Variants in RYR1 observed in about 807,000 individuals in gnomAD.
RYR1 encodes central core disease of muscle.
In RYR1, 342 loss-of-function variants were observed where a neutral mutation model predicts 583.5. The observed-to-expected ratio is 0.59, with a 90% CI of 0.54 to 0.64. The LOEUF (loss-of-function observed/expected upper bound fraction) is 0.64. Ranked by LOEUF, RYR1 falls within the 30% of genes least tolerant of loss-of-function variation. The pLI, the probability that RYR1 is intolerant of heterozygous loss-of-function variation, is 0.00. For missense variants in RYR1, 6,032 were observed against 6,917.2 expected, an observed-to-expected ratio of 0.87 and a Z score of 4.54; for synonymous variants, 2,791 against 2,822.5, an observed-to-expected ratio of 0.99 and a Z score of 0.35.
chr19:38,573,398 C>T lies in RYR1; in HGVS notation c.14129+91C>T, dbSNP rs1034784042. 2.7e-5 allele frequency: 41 copies of T among 1,509,062 alleles called. 1 individual carries two copies. The East Asian group carries it at 3.2e-4, about 12-fold the overall frequency. 93.5% of individuals were successfully genotyped at this position (1,509,062 alleles called of 1,614,324 possible). A position where few individuals can be genotyped will look rare whatever the true frequency, so the allele number is the denominator to read the frequency against. On this transcript the variant is annotated intron_variant, in intron 96 of 105. Coordinates refer to ENST00000359596, the MANE Select transcript of RYR1 (RefSeq NM_000540.3). ...CCTGGACCCCAAAAAACTAGGGTTT[C>T]GGTCCGGGCACGGTGGCTCACACCT...
At chr19:38,560,545 A>G (rs1024505538) in intron 89 of RYR1, among the ~76,000 whole-genome samples, 1 of 151,690 alleles carries the variant, frequency 6.6e-6, no homozygotes, top group Non-Finnish European at 1.5e-5. Flanking sequence ...CCTGGCCAAC[A>G]TGATGAAACC....
Position 38,483,848 on chromosome 19 carries a change from G to T in RYR1, c.4934+332G>T, listed in dbSNP as rs528671546. ...CAGACCCACATCAACACCCCAGGGG[G>T]CCCCAAGTACACCCCAGGATCCCTG... On this transcript the variant is annotated intron_variant, in intron 33 of 105. Transcript: ENST00000359596. The surrounding 1 kb of genome is among the most constrained non-coding windows in gnomAD (Gnocchi z 6.3). Among the ~76,000 whole-genome samples the T allele has an allele frequency of 4.0e-5, 6 of 151,838 alleles. No individual in the cohort carries two copies. The South Asian group carries it at 8.4e-4, about 21-fold the overall frequency.
rs1270252898 is a variant in RYR1, at chr19:38,448,531, C to T, written c.957+20C>T. On this transcript the variant is annotated intron_variant, in intron 10 of 105. Transcript: ENST00000359596. ...TCCAAGGTCAGTGGGGTTTGTGGCG[C>T]CCTCCCTCACCTGAAGCCCCCAGTC... 3 of 1,612,160 alleles carry T rather than the reference C, an allele frequency of 1.9e-6. No homozygotes were observed. The highest frequency in any genetic ancestry group is 8.5e-7 in the Non-Finnish European group (1 of 1,178,338).
At position 38,485,661 on chromosome 19, in the gene RYR1, A is replaced by G; in HGVS notation, c.5006A>G (p.Tyr1669Cys). Residue 1669 changes from tyrosine to cysteine, a missense_variant, in exon 34 of 106, where the codon TAC (tyrosine) becomes TGC (cysteine). Physicochemically the swap from Tyr to Cys is radical, Grantham distance 194. Transcript: ENST00000359596. ...TTCCACTCGCACACCCTGCGCCTCT[A>G]CCGCGCTGTGTGCGCCCTGGGCAAC... ...QRFHSHTLRL[Y>C]RAVCALGNNR... 2 of 1,610,606 alleles carry G rather than the reference A, an allele frequency of 1.2e-6. No homozygotes were observed. Among genetic ancestry groups the G allele is most frequent in the Non-Finnish European group, 1.7e-6 (2 of 1,179,852 alleles).
At chr19:38,476,823 G>A (rs1041958550) in intron 29 of RYR1, among the ~76,000 whole-genome samples, 1 of 152,072 alleles carries the variant, frequency 6.6e-6, no homozygotes, top group African/African-American at 2.4e-5. Flanking sequence ...GTAGAATGGG[G>A]GTAAAAATTA....
intron 24 of RYR1, 81 bp from the exon 25 acceptor site, chr19:38,467,529 G>T: frequency 1.4e-6 from 2 of 1,457,274 alleles, no homozygotes; most frequent in Non-Finnish European, 1.9e-6. Context: ...GTCCCCCAAA[G>T]CCTGTCTTCT....
chr19:38,456,866 G>A (rs935696743), intron 16 of RYR1, among the ~76,000 whole-genome samples: 2 of 151,082 alleles, frequency 1.3e-5, no homozygotes, highest in African/African-American at 4.8e-5. Context: ...CTAATGCGGT[G>A]AAACCCTGTC....
chr19:38,463,762 A>G lies in RYR1; in HGVS notation c.2698A>G (p.Lys900Glu), dbSNP rs768305543. 3 of 1,614,008 alleles carry G rather than the reference A, an allele frequency of 1.9e-6. No individual in the cohort carries two copies. The African/African-American group carries it at 4.0e-5, about 22-fold the overall frequency. Residue 900 changes from lysine (K) to glutamate (E), a missense_variant, in exon 22 of 106, where the codon AAG becomes GAG. This residue lies in a region of RYR1 where 2,627 missense variants were observed against 2,961.3 expected (regional missense o/e 0.89). Transcript: ENST00000359596. ...WTYGPVRDDNKRLHPCLVDFH... is the reference protein window; with the variant it reads ...WTYGPVRDDNERLHPCLVDFH... ...TTTTCTCCAGGTTCGGGATGACAAC[A>G]AGAGGCTGCACCCGTGTCTTGTGGA...
In RYR1 at chr19:38,463,497, C is replaced by A. The variant is rs1225061315; in HGVS notation, c.2652C>A (p.Thr884=). The A allele has an allele frequency of 6.2e-7, 1 of 1,613,098 alleles. No individual in the cohort carries two copies. Among genetic ancestry groups the A allele is most frequent in the East Asian group, 2.2e-5 (1 of 44,888 alleles). ...AENIHELWAL[T]RIEQGWTYGP... Reference sequence around the variant, plus strand: ...ACATCCACGAGCTCTGGGCGCTAACCCGCATCGAGCAGGGCTGGACCTACG... The same window carrying A: ...ACATCCACGAGCTCTGGGCGCTAACACGCATCGAGCAGGGCTGGACCTACG... Residue 884 remains threonine (T), a synonymous_variant, in exon 21 of 106, where the codon ACC becomes ACA. Coordinates refer to ENST00000359596, the MANE Select transcript of RYR1 (RefSeq NM_000540.3).
chr19:38,504,007 T>G (rs1015678344), intron 49 of RYR1, among the ~76,000 whole-genome samples: 4 of 152,222 alleles, frequency 2.6e-5, no homozygotes, highest in African/African-American at 9.6e-5. Flanking sequence ...ATTTTAACTC[T>G]AAATTAAGAA....
At chr19:38,511,928 G>A in intron 61 of RYR1, 144 bp from the exon 62 acceptor site, 1 of 989,748 alleles carries the variant, frequency 1.0e-6, no homozygotes, top group Non-Finnish European at 1.6e-6. Context: ...CGCTGTAGGA[G>A]TCTGGGGGGG....
At chr19:38,560,904 T>C (rs1973102415) in intron 89 of RYR1, among the ~76,000 whole-genome samples, 2 of 151,424 alleles carry the variant, frequency 1.3e-5, no homozygotes, top group Admixed American at 6.6e-5. Flanking sequence ...TGTGTGCCTG[T>C]AGTCCCAGCT....
At chr19:38,498,466 T>C (rs1422361515) in intron 42 of RYR1, among the ~76,000 whole-genome samples, 2 of 152,088 alleles carry the variant, frequency 1.3e-5, no homozygotes, top group East Asian at 1.9e-4. Context: ...AGAAGGTTCT[T>C]GGATCTCATG....
At chr19:38,437,882 G>A (rs1174441105) in intron 1 of RYR1, among the ~76,000 whole-genome samples, 2 of 151,630 alleles carry the variant, frequency 1.3e-5, no homozygotes, top group Non-Finnish European at 2.9e-5. Flanking sequence ...TAGCTTCTCA[G>A]GAGGCTGAAT....
chr19:38,567,546 C>T (rs145031089), intron 92 of RYR1, among the ~76,000 whole-genome samples: 28 of 152,250 alleles, frequency 1.8e-4, no homozygotes, highest in East Asian at 3.9e-4. Flanking sequence ...ATCCCAGCCC[C>T]GACCACTCTG....
At chr19:38,527,605 G>T in intron 72 of RYR1, 42 bp from the exon 73 acceptor site, 1 of 1,612,462 alleles carries the variant, frequency 6.2e-7, no homozygotes, top group Non-Finnish European at 8.5e-7. Flanking sequence ...GACACTGTGG[G>T]AAGGGTCCCT....
Position 38,565,162 on chromosome 19 carries a change from G to GGAGGGCGCGGCGGGGCTC in RYR1, c.12835_12852dup (p.Ala4279_Gly4284dup), listed in dbSNP as rs1159068582. 6.8e-6 allele frequency: 10 copies of GGAGGGCGCGGCGGGGCTC among 1,471,840 alleles called. No homozygotes were observed. Among genetic ancestry groups the GGAGGGCGCGGCGGGGCTC allele is most frequent in the East Asian group, 2.7e-5 (1 of 36,720 alleles). 91.2% of individuals were successfully genotyped at this position (1,471,840 alleles called of 1,614,324 possible). A position where few individuals can be genotyped will look rare whatever the true frequency, so the allele number is the denominator to read the frequency against. ...CGGAGGCGGGCGCGGAAGGCGCGGAGGAGGGCGCGGCGGGGCTCGAGGGCA... is the reference window on the plus strand; with the variant it reads ...CGGAGGCGGGCGCGGAAGGCGCGGAGGAGGGCGCGGCGGGGCTCGAGGGCGCGGCGGGGCTCGAGGGCA... On this transcript the variant is annotated inframe_insertion, in exon 91 of 106. Transcript: ENST00000359596. The surrounding 1 kb of genome is among the most constrained non-coding windows in gnomAD (Gnocchi z 4.7).
intron 65 of RYR1, 125 bp downstream of exon 65, chr19:38,516,342 T>C (rs1600886587): frequency 1.7e-6 from 2 of 1,168,960 alleles, no homozygotes; most frequent in Non-Finnish European, 1.2e-6. Flanking sequence ...ATTCCCCAGG[T>C]TGGGAGTGCC....
In RYR1 at chr19:38,578,025, C is replaced by T. The variant is rs1300378722; in HGVS notation, c.14280C>T (p.Asn4760=). ...EITAHNERKP[N]PPPGLLTWLM... is the part of the protein sequence containing the mutation. ...CAGCCCACAATGAGCGCAAGCCCAA[C>T]CCGCCGCCAGGGCTGCTGACCTGGT... Residue 4760 remains asparagine (N), a synonymous_variant, in exon 98 of 106, where the codon AAC becomes AAT. Transcript: ENST00000359596. The T allele has an allele frequency of 6.2e-7, 1 of 1,614,018 alleles. No individual in the cohort carries two copies. Among genetic ancestry groups the T allele is most frequent in the Admixed American group, 1.7e-5 (1 of 59,996 alleles).
Sources: gnomAD v4.1 joint callset for allele counts (sites outside exome capture counted in the v4.1 genomes callset) on GRCh38, gnomAD v4.1.1 for gene constraint, gnomAD v4.1.1 regional missense constraint, Gnocchi (gnomAD v3.1) non-coding constraint, MANE v1.5 for transcripts, NCBI Gene and HGNC (gene_info 2026-07-23, HGNC 2026-07-21) for gene names.